Variants in BCAS3 observed in about 807,000 individuals in gnomAD.
BCAS3 encodes BCAS3 microtubule associated cell migration factor, also known as BCAS4/BCAS3 fusion.
In BCAS3, 53 loss-of-function variants were observed where a neutral mutation model predicts 116.1. The ratio of observed to expected loss-of-function variants is 0.46; its 90% CI spans 0.37 to 0.57. The LOEUF (loss-of-function observed/expected upper bound fraction) is 0.57, where lower values mean the gene tolerates loss of function less well. Among genes scored for constraint, BCAS3 ranks in the 20% least tolerant of loss-of-function variants. The pLI is 0.00. For synonymous variants in BCAS3, 391 were observed against 408.2 expected (o/e 0.96, Z 0.51); for missense variants, 917 against 1,165.4 (o/e 0.79, Z 3.10).
chr17:60,992,939 T>C (rs1473151827), intron 15 of BCAS3, among the ~76,000 whole-genome samples: 1 of 152,208 alleles, frequency 6.6e-6, no homozygotes. Flanking sequence ...AGAGATTCAC[T>C]GTACACATGG....
chr17:60,907,523 C>T (rs1431117016), intron 11 of BCAS3, among the ~76,000 whole-genome samples: 1 of 152,162 alleles, frequency 6.6e-6, no homozygotes, highest in Admixed American at 6.5e-5. Flanking sequence ...GGCAAATCTG[C>T]TTGCAGCAGA....
intron 14 of BCAS3, among the ~76,000 whole-genome samples, chr17:60,966,572 ACTTAT>A (rs1307286328): frequency 6.6e-6 from 1 of 152,150 alleles, no homozygotes; most frequent in Non-Finnish European, 1.5e-5. Context: ...AGAGACTACA[ACTTAT>A]CTTAGATCAC....
intron 22 of BCAS3, among the ~76,000 whole-genome samples, chr17:61,108,621 T>A (rs2074834126): frequency 7.2e-6 from 1 of 139,296 alleles, no homozygotes; most frequent in Non-Finnish European, 1.6e-5. Flanking sequence ...TTTTTTTTAA[T>A]TTCAATAGGC....
chr17:61,069,146 G>A (rs1267854089), intron 19 of BCAS3, among the ~76,000 whole-genome samples: 2 of 152,050 alleles, frequency 1.3e-5, no homozygotes, highest in East Asian at 3.9e-4. Flanking sequence ...AAGGAGAGAT[G>A]AAAAAGAAGC....
chr17:61,317,363 G>A (rs548305450), intron 22 of BCAS3, among the ~76,000 whole-genome samples: 28 of 152,142 alleles, frequency 1.8e-4, no homozygotes, highest in Admixed American at 4.6e-4. Context: ...TTAAATAACA[G>A]GTCATATGCT....
intron 13 of BCAS3, among the ~76,000 whole-genome samples, chr17:60,928,926 C>A (rs2059498454): frequency 1.3e-5 from 2 of 152,272 alleles, no homozygotes; most frequent in South Asian, 4.1e-4. Context: ...ACATAGAGGA[C>A]ATGTTTTAGT....
Position 61,346,065 on chromosome 17 carries a change from C to T in BCAS3, c.2426-22262C>T, listed in dbSNP as rs965261401. Among the ~76,000 whole-genome samples the T allele has an allele frequency of 6.6e-6, 1 of 152,126 alleles. No individual in the cohort carries two copies. Among genetic ancestry groups the T allele is most frequent in the Non-Finnish European group, 1.5e-5 (1 of 68,030 alleles). ...GCTTGGTCATGCACCTGACATCATACTTTTAGTGCTTGGCAGGAGTGGTTG... is the reference window on the plus strand; with the variant it reads ...GCTTGGTCATGCACCTGACATCATATTTTTAGTGCTTGGCAGGAGTGGTTG... On this transcript the variant is annotated intron_variant, in intron 22 of 23. Coordinates refer to ENST00000407086, the MANE Select transcript of BCAS3 (RefSeq NM_017679.5). The surrounding 1 kb of genome is among the most constrained non-coding windows in gnomAD (Gnocchi z 5.4).
chr17:60,941,489 A>C (rs2060221151), intron 13 of BCAS3, among the ~76,000 whole-genome samples: 3 of 152,178 alleles, frequency 2.0e-5, no homozygotes, highest in Admixed American at 2.0e-4. Flanking sequence ...AATGAAAAGA[A>C]AGCACGTGAC....
At chr17:60,998,872 TCATAAATTCTTTGCTCAAGC>T (rs890409401) in intron 15 of BCAS3, among the ~76,000 whole-genome samples, 8 of 152,276 alleles carry the variant, frequency 5.3e-5, no homozygotes, top group African/African-American at 1.9e-4. Context: ...GAGGGCTTAG[TCATAAATTCTTTGCTCAAGC>T]CAGTGTCCAG....
intron 6 of BCAS3, among the ~76,000 whole-genome samples, chr17:60,761,775 T>G (rs552944450): frequency 7.1e-6 from 1 of 141,028 alleles, no homozygotes; most frequent in South Asian, 2.1e-4. Flanking sequence ...CTTGAGGAAT[T>G]GCCACACTGT....
intron 22 of BCAS3, among the ~76,000 whole-genome samples, chr17:61,138,751 T>A (rs2076777029): frequency 6.6e-6 from 1 of 152,222 alleles, no homozygotes; most frequent in African/African-American, 2.4e-5. Context: ...TGGCTCTTGA[T>A]CCAAATGACA....
At chr17:60,801,555 C>G (rs943298097) in intron 6 of BCAS3, among the ~76,000 whole-genome samples, 7 of 152,050 alleles carry the variant, frequency 4.6e-5, no homozygotes, top group African/African-American at 1.7e-4. Flanking sequence ...AGTGGACACT[C>G]TTGCTTTATA....
chr17:61,179,330 G>A (rs2079337410), intron 22 of BCAS3, among the ~76,000 whole-genome samples: 1 of 139,218 alleles, frequency 7.2e-6, no homozygotes, highest in Admixed American at 7.7e-5. Context: ...GGCCCTCACA[G>A]ATGTCAGTGC....
intron 22 of BCAS3, among the ~76,000 whole-genome samples, chr17:61,123,509 T>TA (rs1431334547): frequency 6.6e-6 from 1 of 152,198 alleles, no homozygotes; most frequent in African/African-American, 2.4e-5. Context: ...ATCTGTTTTT[T>TA]ATCACCCTTG....
intron 22 of BCAS3, among the ~76,000 whole-genome samples, chr17:61,252,459 C>A (rs1213150469): frequency 6.6e-6 from 1 of 152,160 alleles, no homozygotes; most frequent in African/African-American, 2.4e-5. Context: ...GAAGACTCAG[C>A]CCCGCCCATG....
In BCAS3 at chr17:61,155,348, T is replaced by C. The variant is rs186450481; in HGVS notation, c.2425+70784T>C. On this transcript the variant is annotated intron_variant, in intron 22 of 23. Coordinates refer to ENST00000407086, the MANE Select transcript of BCAS3 (RefSeq NM_017679.5). ...TGGGGCAATAAATATGTCCTGAGGCTTTGGTGGCATCAAAGTATTGGTGCT... is the reference window on the plus strand; with the variant it reads ...TGGGGCAATAAATATGTCCTGAGGCCTTGGTGGCATCAAAGTATTGGTGCT... 6.0e-4 allele frequency among the ~76,000 whole-genome samples: 92 copies of C among 152,230 alleles called. 1 individual carries two copies. The highest frequency in any genetic ancestry group is 2.0e-3 in the African/African-American group (84 of 41,552).
At chr17:61,314,750 C>T (rs964981401) in intron 22 of BCAS3, among the ~76,000 whole-genome samples, 1 of 152,226 alleles carries the variant, frequency 6.6e-6, no homozygotes, top group Non-Finnish European at 1.5e-5. Flanking sequence ...TCCCTATTCT[C>T]TCCCCTCTGT....
intron 22 of BCAS3, among the ~76,000 whole-genome samples, chr17:61,093,871 TTG>T (rs767441695): frequency 3.3e-5 from 5 of 152,232 alleles, no homozygotes; most frequent in Non-Finnish European, 5.9e-5. Context: ...TCTGGTTATC[TTG>T]GCTATTCTGG....
intron 14 of BCAS3, among the ~76,000 whole-genome samples, chr17:60,969,322 A>T (rs936510396): frequency 4.6e-5 from 7 of 152,216 alleles, no homozygotes; most frequent in Non-Finnish European, 1.0e-4. Context: ...GAAGGAAAAT[A>T]TGCTTCTTTT....
Sources: allele counts gnomAD v4.1 joint callset (sites outside exome capture counted in the v4.1 genomes callset), GRCh38; gene constraint gnomAD v4.1.1; non-coding constraint Gnocchi (gnomAD v3.1); transcripts MANE v1.5; gene names NCBI Gene and HGNC (gene_info 2026-07-23, HGNC 2026-07-21).